AARS2: variants seen among roughly 807,000 people sequenced by gnomAD.
AARS2 encodes the protein alanyl-tRNA synthetase 2, mitochondrial.
A neutral mutation model predicts 119.7 loss-of-function variants in AARS2; 78 were observed. The ratio of observed to expected loss-of-function variants is 0.65; its 90% CI spans 0.54 to 0.79. AARS2 has a LOEUF of 0.79. AARS2 is among the 30% of genes least tolerant of loss of function. The pLI, the probability that AARS2 is intolerant of heterozygous loss-of-function variation, is 0.00. For synonymous variants in AARS2, 502 were observed against 526.3 expected, an observed-to-expected ratio of 0.95 and a Z score of 0.63; for missense variants, 1,157 against 1,291.3, an observed-to-expected ratio of 0.90 and a Z score of 1.59.
Position 44,302,836 on chromosome 6 carries a change from C to A in AARS2, c.2330G>T (p.Arg777Leu). Residue 777 changes from arginine to leucine, a missense_variant, in exon 17 of 22, where the codon CGC becomes CTC. Physicochemically the swap from Arg to Leu is moderately radical, Grantham distance 102. Transcript: ENST00000244571. The part of the protein sequence containing the change: ...GDRQLSKGTT[R>L]LLAVTGEQAQ... ...CTGCTCCCCAGTGACGGCCAGCAGGCGGGTAGTGCCCTTGGAAAGCTGGCG... is the reference window on the plus strand; with the variant it reads ...CTGCTCCCCAGTGACGGCCAGCAGGAGGGTAGTGCCCTTGGAAAGCTGGCG... 1 of 1,613,988 alleles carries A rather than the reference C, an allele frequency of 6.2e-7. No homozygotes were observed. The highest frequency in any genetic ancestry group is 8.5e-7 in the Non-Finnish European group (1 of 1,180,014).
At position 44,300,368 on chromosome 6, in the gene AARS2, G is replaced by T; in HGVS notation, c.*179C>A. 1.2e-6 allele frequency: 1 copy of T among 819,194 alleles called. No individual in the cohort carries two copies. Among genetic ancestry groups the T allele is most frequent in the Non-Finnish European group, 2.0e-6 (1 of 504,702 alleles). 50.7% of individuals were successfully genotyped at this position (819,194 alleles called of 1,614,324 possible). ...GGTGTGTGTCTTTGGGCCCAGTTCT[G>T]CCTTCCCTAGCCCATGTCTCCTTGT... On this transcript the variant is annotated 3_prime_UTR_variant, in exon 22 of 22. Transcript: ENST00000244571.
In AARS2 at chr6:44,313,236, G is replaced by A. The variant is rs1404592097; in HGVS notation, c.88C>T (p.Leu30Phe). 2 of 1,587,984 alleles carry A rather than the reference G, an allele frequency of 1.3e-6. No individual in the cohort carries two copies. Among genetic ancestry groups the A allele is most frequent in the African/African-American group, 2.7e-5 (2 of 74,608 alleles). ...TTGGCTGCAGGGGGCTCCGATGAGA[G>A]CGGCCGATGGCTGAGGCCCCGCCAT... ...PAWRGLSHRP[L>F]SSEPPAAKAS... The change falls in exon 1 of 22, where the codon CTC (leucine) becomes TTC (phenylalanine). Residue 30 changes from leucine to phenylalanine, a missense_variant. By Grantham distance (22) the Leu-to-Phe change is conservative (BLOSUM62 0). Coordinates refer to ENST00000244571, the MANE Select transcript of AARS2 (RefSeq NM_020745.4).
At position 44,299,289 on chromosome 6, in the gene AARS2, G is replaced by A. The variant is rs1426939622; in HGVS notation, c.*1258C>T. Among the ~76,000 whole-genome samples, 2 of 151,668 alleles carry A rather than the reference G, an allele frequency of 1.3e-5. No homozygotes were observed. Among genetic ancestry groups the A allele is most frequent in the Non-Finnish European group, 2.9e-5 (2 of 67,998 alleles). Reference sequence around the variant, plus strand: ...TTTTTTTAAGACAGGGTCTCACTCTGTTGCCTGGAGTGCAGTGGTGCAATC... The same window carrying A: ...TTTTTTTAAGACAGGGTCTCACTCTATTGCCTGGAGTGCAGTGGTGCAATC... On this transcript the variant is annotated 3_prime_UTR_variant, in exon 22 of 22. Coordinates refer to ENST00000244571, the MANE Select transcript of AARS2 (RefSeq NM_020745.4).
Position 44,299,221 on chromosome 6 carries a change from T to A in AARS2, c.*1326A>T, listed in dbSNP as rs370057942. Among the ~76,000 whole-genome samples, 1 of 151,110 alleles carries A rather than the reference T, an allele frequency of 6.6e-6. No homozygotes were observed. The highest frequency in any genetic ancestry group is 1.5e-5 in the Non-Finnish European group (1 of 67,858). On this transcript the variant is annotated 3_prime_UTR_variant, in exon 22 of 22. Coordinates refer to ENST00000244571, the MANE Select transcript of AARS2 (RefSeq NM_020745.4). ...CACACTCCTGATCCCCATTCTCTATTTCCCCCCCAGACCTCATCACCATCT... is the reference window on the plus strand; with the variant it reads ...CACACTCCTGATCCCCATTCTCTATATCCCCCCCAGACCTCATCACCATCT...
At position 44,311,272 on chromosome 6, in the gene AARS2, G is replaced by C. The variant is rs1786329254; in HGVS notation, c.582-111C>G. The C allele has an allele frequency of 2.5e-6, 4 of 1,601,400 alleles. No homozygotes were observed. In the Admixed American group the frequency reaches 6.7e-5, roughly 27 times the overall value. On this transcript the variant is annotated intron_variant, in intron 3 of 21. Transcript: ENST00000244571. ...CACAGCTCAGCAAGAGGAGGAACAG[G>C]GCTGACCCCACAATATCCTGGAATG...
chr6:44,303,348 A>C lies in AARS2; in HGVS notation c.2083T>G (p.Tyr695Asp), dbSNP rs773653935. ...QEAVGQDEAV[Y>D]MEEVPLALTA... ...AGCGCCAGGGGCACCTCCTCCATGT[A>C]CACAGCCTCATCCTGCCCCACGGCC... Residue 695 changes from tyrosine (Y) to aspartate (D), a missense_variant, in exon 15 of 22, where the codon TAC (tyrosine) becomes GAC (aspartate). Tyr to Asp is a radical substitution (Grantham distance 160, BLOSUM62 -3). Coordinates refer to ENST00000244571, the MANE Select transcript of AARS2 (RefSeq NM_020745.4). 6.2e-7 allele frequency: 1 copy of C among 1,614,006 alleles called. No homozygotes were observed. The highest frequency in any genetic ancestry group is 1.1e-5 in the South Asian group (1 of 91,084).
chr6:44,312,414 T>C, intron 1 of AARS2, 151 bp from the exon 2 acceptor site: 1 of 774,584 alleles, frequency 1.3e-6, no homozygotes, highest in East Asian at 2.7e-5. Flanking sequence ...GAGGACAAAC[T>C]GGGAGCCTCG....
At chr6:44,312,346 G>T in intron 1 of AARS2, 83 bp from the exon 2 acceptor site, 1 of 1,419,134 alleles carries the variant, frequency 7.0e-7, no homozygotes, top group Non-Finnish European at 9.7e-7. Context: ...GGATAGGGAT[G>T]GCTGTTCAGA....
At chr6:44,302,305 T>C in intron 18 of AARS2, 86 bp downstream of exon 18, 1 of 1,611,770 alleles carries the variant, frequency 6.2e-7, no homozygotes, top group Middle Eastern at 1.7e-4. Context: ...CCAATTGGAG[T>C]GCTAGGGAGA....
rs768992661 is a variant in AARS2, at chr6:44,307,008, C to A, written c.1064G>T (p.Arg355Leu). The A allele has an allele frequency of 1.2e-6, 2 of 1,614,064 alleles. No individual in the cohort carries two copies. The highest frequency in any genetic ancestry group is 2.2e-5 in the South Asian group (2 of 91,084). Residue 355 changes from arginine (R) to leucine (L), a missense_variant, in exon 7 of 22, where the codon CGT becomes CTT. Transcript: ENST00000244571. The surrounding 1 kb of genome is among the most constrained non-coding windows in gnomAD (Gnocchi z 4.4). ...CTCCATGGAGAAACGCACAGCTCGA[C>A]GCAGGATCCGACGAAGAACCAGCCT... ...GPPLVLRRIL[R>L]RAVRFSMEIL...
Position 44,305,605 on chromosome 6 carries a change from G to C in AARS2, c.1434+48C>G. 1 of 1,612,366 alleles carries C rather than the reference G, an allele frequency of 6.2e-7. No homozygotes were observed. The highest frequency in any genetic ancestry group is 8.5e-7 in the Non-Finnish European group (1 of 1,179,784). On this transcript the variant is annotated intron_variant, in intron 10 of 21. Coordinates refer to ENST00000244571, the MANE Select transcript of AARS2 (RefSeq NM_020745.4). The surrounding 1 kb of genome is among the most constrained non-coding windows in gnomAD (Gnocchi z 4.6). ...TCCTCCCCCAGGAGCTCAGGGCTGG[G>C]GAAGAGGTGTCCTAACAGAACCCAG...
At chr6:44,309,126 T>C (rs779593994) in intron 5 of AARS2, among the ~76,000 whole-genome samples, 42 of 152,218 alleles carry the variant, frequency 2.8e-4, no homozygotes, top group Admixed American at 2.6e-4. Context: ...CTTTGGCCCA[T>C]AGAATACAGT....
intron 4 of AARS2, 124 bp downstream of exon 4, chr6:44,310,870 G>T (rs1786288927): frequency 1.6e-6 from 2 of 1,255,528 alleles, no homozygotes; most frequent in African/African-American, 1.5e-5. Context: ...GTTGAGAATT[G>T]TGCCTGACAC....
At position 44,300,648 on chromosome 6, in the gene AARS2, T is replaced by G; in HGVS notation, c.2857A>C (p.Lys953Gln). ...ALAVCSHMGG[K>Q]AWGSRVVAQG... ...GCCACCACTCGTGAGCCCCACGCCT[T>G]GCCCCCCATGTGGCTGCACACTGCC... Residue 953 changes from lysine to glutamine, a missense_variant, in exon 22 of 22, where the codon AAG (lysine) becomes CAG (glutamine). Physicochemically the swap from Lys to Gln is moderately conservative, Grantham distance 53. Coordinates refer to ENST00000244571, the MANE Select transcript of AARS2 (RefSeq NM_020745.4). 6.2e-7 allele frequency: 1 copy of G among 1,613,884 alleles called. No homozygotes were observed. Among genetic ancestry groups the G allele is most frequent in the East Asian group, 2.2e-5 (1 of 44,876 alleles).
chr6:44,312,398 G>A (rs1786442579), intron 1 of AARS2, 135 bp from the exon 2 acceptor site: 1 of 884,276 alleles, frequency 1.1e-6, no homozygotes, highest in South Asian at 1.7e-5. Flanking sequence ...TGTAATCTTG[G>A]TCTATGAGGA....
At position 44,299,145 on chromosome 6, in the gene AARS2, C is replaced by A. The variant is rs867457473; in HGVS notation, c.*1402G>T. 2.6e-5 allele frequency among the ~76,000 whole-genome samples: 4 copies of A among 152,164 alleles called. No homozygotes were observed. The highest frequency in any genetic ancestry group is 2.1e-4 in the South Asian group (1 of 4,820). On this transcript the variant is annotated 3_prime_UTR_variant, in exon 22 of 22. Coordinates refer to ENST00000244571, the MANE Select transcript of AARS2 (RefSeq NM_020745.4). ...ATTTCCACACGGGTCACACCCTCAC[C>A]TCCCAGCTCCCTGCTCACATGTCAC...
Position 44,300,479 on chromosome 6 carries a change from G to T in AARS2, c.*68C>A. Reference sequence around the variant, plus strand: ...AGTCCTCGCTTCAGCATGTGGGAAGGTTCTGCTGGCTCCTTCAGGGCTCCT... The same window carrying T: ...AGTCCTCGCTTCAGCATGTGGGAAGTTTCTGCTGGCTCCTTCAGGGCTCCT... On this transcript the variant is annotated 3_prime_UTR_variant, in exon 22 of 22. Coordinates refer to ENST00000244571, the MANE Select transcript of AARS2 (RefSeq NM_020745.4). The T allele has an allele frequency of 6.2e-7, 1 of 1,606,714 alleles. No individual in the cohort carries two copies.
chr6:44,300,778 C>A (rs879701126), intron 21 of AARS2, 67 bp from the exon 22 acceptor site: 60 of 1,569,288 alleles, frequency 3.8e-5, no homozygotes, highest in Non-Finnish European at 5.1e-5. Context: ...ACTCAAGGTA[C>A]CCTCAAGAGT....
At position 44,307,614 on chromosome 6, in the gene AARS2, A is replaced by G; in HGVS notation, c.895-220T>C. The G allele has an allele frequency of 1.6e-6, 1 of 613,150 alleles. No homozygotes were observed. Among genetic ancestry groups the G allele is most frequent in the South Asian group, 2.0e-5 (1 of 49,980 alleles). 38.0% of individuals were successfully genotyped at this position (613,150 alleles called of 1,614,324 possible). A position where few individuals can be genotyped will look rare whatever the true frequency, so the allele number is the denominator to read the frequency against. On this transcript the variant is annotated intron_variant, in intron 5 of 21. Coordinates refer to ENST00000244571, the MANE Select transcript of AARS2 (RefSeq NM_020745.4). The surrounding 1 kb of genome is among the most constrained non-coding windows in gnomAD (Gnocchi z 4.4). ...GCTACAAGTGAACATATCTGTGACC[A>G]TTTACTGAATTTCTACTATCAGAAC...
Sources: gnomAD v4.1 joint callset for allele counts (sites outside exome capture counted in the v4.1 genomes callset) on GRCh38, gnomAD v4.1.1 for gene constraint, Gnocchi (gnomAD v3.1) non-coding constraint, MANE v1.5 for transcripts, NCBI Gene and HGNC (gene_info 2026-07-23, HGNC 2026-07-21) for gene names.